PCDHGA4: variants seen among roughly 807,000 people sequenced by gnomAD.
PCDHGA4 encodes protocadherin gamma subfamily A, 4.
Under a neutral mutation model 54.6 loss-of-function variants are expected in PCDHGA4, and 38 were observed. The observed-to-expected ratio is 0.70, with a 90% CI of 0.54 to 0.91. PCDHGA4 has a LOEUF of 0.91. Among genes scored for constraint, PCDHGA4 ranks in the 40% least tolerant of loss-of-function variants. The pLI is 0.00. For missense variants in PCDHGA4, 1,298 were observed against 1,220.9 expected (o/e 1.06, Z -0.94); for synonymous variants, 511 against 512.9 (o/e 1.00, Z 0.05).
At chr5:141,385,170 C>T (rs1561606866) in intron 1 of PCDHGA4, 2 of 1,614,212 alleles carry the variant, frequency 1.2e-6, no homozygotes, top group Non-Finnish European at 1.7e-6. Flanking sequence ...CCCATGAGGT[C>T]TCCCTCACCG....
At chr5:141,467,704 C>T (rs2099149502) in intron 1 of PCDHGA4, among the ~76,000 whole-genome samples, 2 of 152,174 alleles carry the variant, frequency 1.3e-5, no homozygotes. Flanking sequence ...CTCTGTTGCC[C>T]AGGCTGGAGT....
rs17097251 is a variant in PCDHGA4 at position 141,383,615 on chromosome 5, C to T, written c.2514+25994C>T. On this transcript the variant is annotated intron_variant, in intron 1 of 3. Coordinates refer to ENST00000571252, the MANE Select transcript of PCDHGA4 (RefSeq NM_018917.4). ...ACAGTGGTGGATGTGAATGACCACA[C>T]GCCTGTCTTCTCTCTGCCTCAGTAC... 8,353 of 1,613,802 alleles carry T rather than the reference C, an allele frequency of 5.2e-3. 355 individuals are homozygous for T. The African/African-American group carries it at 0.098, about 19-fold the overall frequency.
At chr5:141,361,322 C>A (rs1475894704) in intron 1 of PCDHGA4, 1 of 1,613,960 alleles carries the variant, frequency 6.2e-7, no homozygotes. Flanking sequence ...ATTTTGAAAT[C>A]TTCCTCAAAG....
rs141295392 is a variant in PCDHGA4 at position 141,393,658 on chromosome 5, G to A, written c.2514+36037G>A. 3.0e-5 allele frequency: 49 copies of A among 1,613,798 alleles called. No homozygotes were observed. The Middle Eastern group carries it at 6.6e-4, about 22-fold the overall frequency. ...AACGGAAAAGTGGCATACAAATTCC[G>A]GAAAATTAATGAAAAACAAACTCCG... On this transcript the variant is annotated intron_variant, in intron 1 of 3. Transcript: ENST00000571252.
intron 1 of PCDHGA4, among the ~76,000 whole-genome samples, chr5:141,434,340 G>A (rs2097687601): frequency 6.6e-6 from 1 of 152,150 alleles, no homozygotes; most frequent in Non-Finnish European, 1.5e-5. Context: ...TTTGTGTCGG[G>A]AACAGGCCCC....
rs1421246315 is a variant in PCDHGA4 at position 141,491,880 on chromosome 5, G to A, written c.2515-2927G>A. The A allele has an allele frequency of 1.1e-5, 16 of 1,449,714 alleles. No homozygotes were observed. The highest frequency in any genetic ancestry group is 1.5e-5 in the Non-Finnish European group (16 of 1,096,892). 89.8% of individuals were successfully genotyped at this position (1,449,714 alleles called of 1,614,324 possible). A position where few individuals can be genotyped will look rare whatever the true frequency, so the allele number is the denominator to read the frequency against. ...GCGAAACCAGAGTGGCCGATTAAGGGATGGGGCTCCGAGCACCGGGGGTGG... is the reference window on the plus strand; with the variant it reads ...GCGAAACCAGAGTGGCCGATTAAGGAATGGGGCTCCGAGCACCGGGGGTGG... On this transcript the variant is annotated intron_variant, in intron 1 of 3. Coordinates refer to ENST00000571252, the MANE Select transcript of PCDHGA4 (RefSeq NM_018917.4). The surrounding 1 kb of genome is among the most constrained non-coding windows in gnomAD (Gnocchi z 6.9).
chr5:141,499,582 T>C (rs952280239), intron 2 of PCDHGA4, among the ~76,000 whole-genome samples: 7 of 152,164 alleles, frequency 4.6e-5, no homozygotes, highest in African/African-American at 7.2e-5. Flanking sequence ...TAATGCCTTA[T>C]CTTGTTTCAC....
rs905837179 is a variant in PCDHGA4 at position 141,478,541 on chromosome 5, G to A, written c.2515-16266G>A. ...GTTGGGTGCAGAGAGCGCCCCTCCCGGACAGGTAAGGTTTAGCAAGTCATG... is the reference window on the plus strand; with the variant it reads ...GTTGGGTGCAGAGAGCGCCCCTCCCAGACAGGTAAGGTTTAGCAAGTCATG... On this transcript the variant is annotated intron_variant, in intron 1 of 3. Coordinates refer to ENST00000571252, the MANE Select transcript of PCDHGA4 (RefSeq NM_018917.4). 4 of 1,605,470 alleles carry A rather than the reference G, an allele frequency of 2.5e-6. No homozygotes were observed. The Admixed American group carries it at 5.2e-5, about 21-fold the overall frequency.
chr5:141,426,559 C>T (rs1401963895), intron 1 of PCDHGA4: 1 of 353,038 alleles, frequency 2.8e-6, no homozygotes, highest in Non-Finnish European at 5.6e-6. Context: ...CAGAATAGAT[C>T]GAGAGTCACT....
rs1461617825 is a variant in PCDHGA4, at chr5:141,431,902, G to A, written c.2515-62905G>A. On this transcript the variant is annotated intron_variant, in intron 1 of 3. Coordinates refer to ENST00000571252, the MANE Select transcript of PCDHGA4 (RefSeq NM_018917.4). This position sits in a 1 kb window ranked among gnomAD's most constrained non-coding sequence, Gnocchi z 4.8. ...ACCAAGATTCTGAGGAAAACGGACA[G>A]GTGATCTGTTTCATCCAAGGAAATC... 1.2e-6 allele frequency: 2 copies of A among 1,613,764 alleles called. No homozygotes were observed. The highest frequency in any genetic ancestry group is 1.3e-5 in the African/African-American group (1 of 74,918).
chr5:141,503,418 A>G (rs1037754214), intron 2 of PCDHGA4, among the ~76,000 whole-genome samples: 1 of 151,528 alleles, frequency 6.6e-6, no homozygotes, highest in Admixed American at 6.6e-5. Context: ...AATATGGTGA[A>G]ACCCCATCTC....
chr5:141,496,103 C>G (rs779317844), intron 2 of PCDHGA4, among the ~76,000 whole-genome samples: 1 of 152,100 alleles, frequency 6.6e-6, no homozygotes, highest in Non-Finnish European at 1.5e-5. Flanking sequence ...ACCAACACCC[C>G]GCTCTCTTCC....
At chr5:141,509,486 A>G (rs1022659275) in intron 3 of PCDHGA4, among the ~76,000 whole-genome samples, 10 of 152,132 alleles carry the variant, frequency 6.6e-5, no homozygotes, top group African/African-American at 2.4e-4. Flanking sequence ...GGTAGAGGTG[A>G]TGGCATGCTG....
rs1263406836 is a variant in PCDHGA4 at position 141,491,918 on chromosome 5, G to A, written c.2515-2889G>A. On this transcript the variant is annotated intron_variant, in intron 1 of 3. Coordinates refer to ENST00000571252, the MANE Select transcript of PCDHGA4 (RefSeq NM_018917.4). The surrounding 1 kb of genome is among the most constrained non-coding windows in gnomAD (Gnocchi z 6.9). ...GCACCGGGGGTGGTGGCGACTGTGGGCGAGGGGAGGTGGGACCGACCCCCA... is the reference window on the plus strand; with the variant it reads ...GCACCGGGGGTGGTGGCGACTGTGGACGAGGGGAGGTGGGACCGACCCCCA... 2 of 1,371,698 alleles carry A rather than the reference G, an allele frequency of 1.5e-6. No homozygotes were observed. Among genetic ancestry groups the A allele is most frequent in the Non-Finnish European group, 1.9e-6 (2 of 1,028,962 alleles). 85.0% of individuals were successfully genotyped at this position (1,371,698 alleles called of 1,614,324 possible).
At chr5:141,372,801 T>A in intron 1 of PCDHGA4, 1 of 1,594,978 alleles carries the variant, frequency 6.3e-7, no homozygotes, top group Non-Finnish European at 8.5e-7. Context: ...TTCAGGCAAT[T>A]TGCAAAAGGT....
chr5:141,404,695 TGCAGAGCC>T, intron 1 of PCDHGA4: 1 of 1,614,122 alleles, frequency 6.2e-7, no homozygotes, highest in Non-Finnish European at 8.5e-7. Flanking sequence ...CACCCCGCTC[TGCAGAGCC>T]TGGCTACCTG....
intron 3 of PCDHGA4, 46 bp downstream of exon 3, chr5:141,505,527 T>C: frequency 6.2e-7 from 1 of 1,612,388 alleles, no homozygotes; most frequent in Non-Finnish European, 8.5e-7. Context: ...GACCTGGGGT[T>C]CTGGGGTGCA....
intron 1 of PCDHGA4, chr5:141,423,829 A>G: frequency 7.9e-7 from 1 of 1,268,964 alleles, no homozygotes; most frequent in Non-Finnish European, 9.9e-7. Flanking sequence ...GCCTTTCATG[A>G]GATTACGATA....
intron 1 of PCDHGA4, chr5:141,404,291 G>A (rs755978034): frequency 6.2e-7 from 1 of 1,613,956 alleles, no homozygotes; most frequent in Non-Finnish European, 8.5e-7. Context: ...TGACATCAAT[G>A]ATAATCCACC....
Sources: allele counts gnomAD v4.1 joint callset (sites outside exome capture counted in the v4.1 genomes callset), GRCh38; gene constraint gnomAD v4.1.1; non-coding constraint Gnocchi (gnomAD v3.1); transcripts MANE v1.5; gene names NCBI Gene and HGNC (gene_info 2026-07-23, HGNC 2026-07-21).